Variants in RAPGEF6 observed in about 807,000 individuals in gnomAD.
The protein encoded by RAPGEF6 is Rap guanine nucleotide exchange factor 6, also known as PDZ domain containing guanine nucleotide exchange factor (GEF) 2.
A neutral mutation model predicts 171.4 loss-of-function variants in RAPGEF6; 56 were observed. That is an observed-to-expected ratio of 0.33 (90% confidence interval 0.26 to 0.41). RAPGEF6 has a LOEUF of 0.41. Ranked by LOEUF, RAPGEF6 falls within the 10% of genes least tolerant of loss-of-function variation. The pLI, the probability that RAPGEF6 is intolerant of heterozygous loss-of-function variation, is 1.00. For synonymous variants in RAPGEF6, 692 were observed against 650.1 expected (o/e 1.06, Z -0.98); for missense variants, 1,674 against 1,921.4 (o/e 0.87, Z 2.41).
chr5:131,504,726 T>G lies in RAPGEF6; in HGVS notation c.1154A>C (p.Lys385Thr). The G allele has an allele frequency of 6.2e-7, 1 of 1,614,048 alleles. No homozygotes were observed. Among genetic ancestry groups the G allele is most frequent in the Non-Finnish European group, 8.5e-7 (1 of 1,179,954 alleles). The change falls in exon 11 of 28, where the codon AAA (lysine) becomes ACA (threonine). Residue 385 changes from lysine to threonine, a missense_variant. Transcript: ENST00000509018. ...DYWRILNHVE[K>T]NTHKVEEEGE... ...CTCTTCCTCAACTTTATGGGTATTTTTTTCCACATGGTTTAAAATTCTCCA... is the reference window on the plus strand; with the variant it reads ...CTCTTCCTCAACTTTATGGGTATTTGTTTCCACATGGTTTAAAATTCTCCA...
At position 131,461,924 on chromosome 5, in the gene RAPGEF6, G is replaced by A. The variant is rs775322959; in HGVS notation, c.2645C>T (p.Thr882Ile). The change falls in exon 19 of 28, where the codon ACT becomes ATT. Residue 882 changes from threonine (T) to isoleucine (I), a missense_variant. Thr to Ile is a moderately conservative substitution (Grantham distance 89). This residue lies in a region of RAPGEF6 where 1,116 missense variants were observed against 1,321.5 expected (regional missense o/e 0.84). Transcript: ENST00000509018. The part of the protein sequence containing the change: ...DFDLFRNIEP[T>I]EYIDDLFKLN... ...CTTAAAAAGGTCATCGATGTACTCAGTCGGTTCAATATTACGAAACAAATC... is the reference window on the plus strand; with the variant it reads ...CTTAAAAAGGTCATCGATGTACTCAATCGGTTCAATATTACGAAACAAATC... 4.3e-6 allele frequency: 7 copies of A among 1,614,014 alleles called. No homozygotes were observed. The highest frequency in any genetic ancestry group is 5.9e-6 in the Non-Finnish European group (7 of 1,180,000).
chr5:131,453,002 T>C (rs986397159), intron 21 of RAPGEF6, 52 bp downstream of exon 21: 2 of 1,544,696 alleles, frequency 1.3e-6, no homozygotes, highest in African/African-American at 1.4e-5. Context: ...ATTTTAATTA[T>C]TACATCACCC....
intron 4 of RAPGEF6, among the ~76,000 whole-genome samples, chr5:131,590,257 G>A (rs1763510149): frequency 6.6e-6 from 1 of 152,096 alleles, no homozygotes. Context: ...AAAATTAGCT[G>A]GGTGTGGTGG....
At chr5:131,494,790 TA>T (rs1241106977) in intron 13 of RAPGEF6, among the ~76,000 whole-genome samples, 1 of 96,858 alleles carries the variant, frequency 1.0e-5, no homozygotes, top group Non-Finnish European at 2.3e-5. Flanking sequence ...TATTAAGTCC[TA>T]AACTAGGGAG....
intron 1 of RAPGEF6, among the ~76,000 whole-genome samples, chr5:131,608,304 T>G (rs1374303823): frequency 1.3e-5 from 2 of 152,202 alleles, no homozygotes; most frequent in African/African-American, 4.8e-5. Flanking sequence ...TTTTAAATCT[T>G]ATCAGTTATG....
intron 8 of RAPGEF6, among the ~76,000 whole-genome samples, chr5:131,509,986 T>C (rs1457382849): frequency 6.6e-6 from 1 of 152,216 alleles, no homozygotes; most frequent in Non-Finnish European, 1.5e-5. Flanking sequence ...TAAGGACAAT[T>C]AAGCAGCCTA....
chr5:131,569,210 A>C (rs1019874094), intron 4 of RAPGEF6, among the ~76,000 whole-genome samples: 8 of 152,354 alleles, frequency 5.3e-5, no homozygotes, highest in African/African-American at 1.9e-4. Flanking sequence ...TTTACGGTAT[A>C]AATTGACAAG....
chr5:131,437,171 T>C (rs939715463), intron 24 of RAPGEF6, among the ~76,000 whole-genome samples: 24 of 152,210 alleles, frequency 1.6e-4, no homozygotes, highest in Non-Finnish European at 3.2e-4. Context: ...CTGAAACAGT[T>C]TTGAAGAGAA....
At position 131,446,618 on chromosome 5, in the gene RAPGEF6, G is replaced by A; in HGVS notation, c.3286C>T (p.Leu1096Phe). 1.2e-6 allele frequency: 2 copies of A among 1,614,170 alleles called. No homozygotes were observed. Among genetic ancestry groups the A allele is most frequent in the Non-Finnish European group, 8.5e-7 (1 of 1,180,014 alleles). ...TCCTCATATAGCTTCTTGGCATTAA[G>A]CAGAGAGCTGCGGCGTGCCCTTTTT... is the stretch of plus-strand genomic sequence containing the variant. ...HKKRARRSSL[L>F]NAKKLYEDAQ... The change falls in exon 22 of 28, where the codon CTT becomes TTT. Residue 1096 changes from leucine to phenylalanine, a missense_variant. Transcript: ENST00000509018.
intron 6 of RAPGEF6, among the ~76,000 whole-genome samples, chr5:131,527,469 G>A (rs1758955221): frequency 6.6e-6 from 1 of 152,198 alleles, no homozygotes. Flanking sequence ...GCTAATGGGA[G>A]TATGAACTGG....
intron 18 of RAPGEF6, chr5:131,463,696 A>G (rs1431807250): frequency 1.1e-6 from 1 of 938,202 alleles, no homozygotes; most frequent in Non-Finnish European, 1.3e-6. Context: ...TATTCATTAA[A>G]GGAAAACTAC....
In RAPGEF6 at chr5:131,532,121, G is replaced by C. The variant is rs989751526; in HGVS notation, c.496-10600C>G. On this transcript the variant is annotated intron_variant, in intron 6 of 27. Transcript: ENST00000509018. The stretch of plus-strand genomic sequence containing the variant: ...CTTACTTTGGAGGCCCATGGCTGAA[G>C]ACAATTGGCATAACAGCGAACAAGA... The C allele has an allele frequency of 1.3e-5, 6 of 451,448 alleles. No individual in the cohort carries two copies. The East Asian group carries it at 4.2e-4, about 31-fold the overall frequency. The allele number at this position is 451,448 out of a possible 1,614,324, so 28.0% of individuals were successfully genotyped here.
intron 4 of RAPGEF6, among the ~76,000 whole-genome samples, chr5:131,583,135 T>C (rs1328205784): frequency 6.6e-6 from 1 of 152,080 alleles, no homozygotes; most frequent in African/African-American, 2.4e-5. Context: ...TAGTGGAACA[T>C]CCATATAAAC....
intron 1 of RAPGEF6, among the ~76,000 whole-genome samples, chr5:131,612,201 A>ATTTTTTTTTTTTTTTTTTT (rs35306366): frequency 1.2e-5 from 1 of 83,326 alleles, no homozygotes; most frequent in Non-Finnish European, 2.3e-5. Flanking sequence ...TGCTCAGCTA[A>ATTTTTTTTTTTTTTTTTTT]TTTTTTTTTT....
chr5:131,599,009 A>G (rs1316282165), intron 3 of RAPGEF6, among the ~76,000 whole-genome samples: 4 of 152,350 alleles, frequency 2.6e-5, no homozygotes, highest in South Asian at 4.1e-4. Flanking sequence ...ATGCTATCAG[A>G]TATCAAAACA....
chr5:131,629,238 G>C (rs1026088252), intron 1 of RAPGEF6, among the ~76,000 whole-genome samples: 1 of 151,932 alleles, frequency 6.6e-6, no homozygotes, highest in Non-Finnish European at 1.5e-5. Flanking sequence ...CCAACACTTT[G>C]GGAGGCTGAG....
intron 5 of RAPGEF6, among the ~76,000 whole-genome samples, chr5:131,560,515 C>T (rs1470101250): frequency 6.6e-6 from 1 of 152,088 alleles, no homozygotes; most frequent in Non-Finnish European, 1.5e-5. Context: ...ATACAAAATA[C>T]AACTAAAAAG....
intron 25 of RAPGEF6, among the ~76,000 whole-genome samples, chr5:131,432,638 T>TAA (rs771498749): frequency 7.0e-6 from 1 of 142,370 alleles, no homozygotes. Flanking sequence ...GACTCCGCCT[T>TAA]AAAAAAAAAA....
intron 7 of RAPGEF6, among the ~76,000 whole-genome samples, chr5:131,513,203 T>C (rs767182686): frequency 6.6e-6 from 1 of 152,194 alleles, no homozygotes; most frequent in Non-Finnish European, 1.5e-5. Flanking sequence ...TATGTGTACA[T>C]GCTAAAAAGA....
Sources: gnomAD v4.1 joint callset for allele counts (sites outside exome capture counted in the v4.1 genomes callset) on GRCh38, gnomAD v4.1.1 for gene constraint, gnomAD v4.1.1 regional missense constraint, MANE v1.5 for transcripts, NCBI Gene and HGNC (gene_info 2026-07-23, HGNC 2026-07-21) for gene names.